Variants in GATAD1 observed in about 807,000 individuals in gnomAD.
GATAD1 encodes the protein GATA zinc finger domain-containing protein 1.
Under a neutral mutation model 26.5 loss-of-function variants are expected in GATAD1, and 12 were observed. That is an observed-to-expected ratio of 0.45 (90% CI 0.29 to 0.73). The LOEUF (loss-of-function observed/expected upper bound fraction) is 0.73. GATAD1 is among the 30% of genes least tolerant of loss of function. The pLI is 0.10. For missense variants in GATAD1, 266 were observed against 342.1 expected (o/e 0.78, Z 1.75); for synonymous variants, 129 against 133.1 (o/e 0.97, Z 0.21).
At chr7:92,491,074 G>T in the GATAD1 span, among the ~76,000 whole-genome samples, 2 of 152,166 alleles carry the variant, frequency 1.3e-5, no homozygotes, top group African/African-American at 2.4e-5. Context: ...TTGGTTCCTT[G>T]CTCCCAGCCC....
At chr7:92,465,594 G>T in the GATAD1 span, among the ~76,000 whole-genome samples, 6 of 151,268 alleles carry the variant, frequency 4.0e-5, no homozygotes, top group South Asian at 1.0e-3. Context: ...CTCTAGCCTG[G>T]ATGACAAGAG....
At chr7:92,461,679 AAAGC>A (rs1272460148), downstream of GATAD1, among the ~76,000 whole-genome samples, 3 of 152,232 alleles carry the variant, frequency 2.0e-5, no homozygotes, top group Non-Finnish European at 4.4e-5. Context: ...ACTAAATTGA[AAAGC>A]AAAGAATAAA....
the GATAD1 span, chr7:92,493,758 A>G: frequency 1.3e-5 from 2 of 153,368 alleles, no homozygotes; most frequent in Non-Finnish European, 2.9e-5. Context: ...GAAAATCTAA[A>G]TAATTTAAAT....
At chr7:92,470,345 G>A in the GATAD1 span, 1 of 732,320 alleles carries the variant, frequency 1.4e-6, no homozygotes. Context: ...GAGGGTAAAA[G>A]AACAGTAAAG....
At chr7:92,460,776 C>CAAAAAAAAAAAAAAAAAAAAAAAAAAAA, downstream of GATAD1, among the ~76,000 whole-genome samples, 1 of 63,344 alleles carries the variant, frequency 1.6e-5, no homozygotes, top group Non-Finnish European at 3.4e-5. Flanking sequence ...GACCTTCTCT[C>CAAAAAAAAAAAAAAAAAAAAAAAAAAAA]AAAAAAAAAA....
At chr7:92,451,004 T>C (rs1009624404) in intron 3 of GATAD1, among the ~76,000 whole-genome samples, 1 of 152,180 alleles carries the variant, frequency 6.6e-6, no homozygotes, top group African/African-American at 2.4e-5. Context: ...TATTTTTTTT[T>C]AGTGTAGATT....
rs1473266909 is a variant in GATAD1 at position 92,459,760 on chromosome 7, T to C, written c.*3198T>C. 6.6e-6 allele frequency among the ~76,000 whole-genome samples: 1 copy of C among 152,258 alleles called. No individual in the cohort carries two copies. Among genetic ancestry groups the C allele is most frequent in the Non-Finnish European group, 1.5e-5 (1 of 68,034 alleles). ...TTTGGTCCTGGGATGACAGGGATGCTGTGTTTTATTTACTCATCTTTGTAA... is the reference window on the plus strand; with the variant it reads ...TTTGGTCCTGGGATGACAGGGATGCCGTGTTTTATTTACTCATCTTTGTAA... On this transcript the variant is annotated 3_prime_UTR_variant, in exon 5 of 5. Coordinates refer to ENST00000287957, the MANE Select transcript of GATAD1 (RefSeq NM_021167.5).
the GATAD1 span, among the ~76,000 whole-genome samples, chr7:92,480,646 A>C: frequency 2.6e-5 from 4 of 152,196 alleles, no homozygotes; most frequent in Non-Finnish European, 4.4e-5. Context: ...GTGTGAGAAG[A>C]GATTGATAGG....
intron 4 of GATAD1, among the ~76,000 whole-genome samples, chr7:92,455,620 T>C (rs1789638092): frequency 6.6e-6 from 1 of 152,236 alleles, no homozygotes; most frequent in African/African-American, 2.4e-5. Flanking sequence ...TTCAGACTTT[T>C]TATCTTTCTG....
At chr7:92,479,157 T>C in the GATAD1 span, among the ~76,000 whole-genome samples, 1 of 152,224 alleles carries the variant, frequency 6.6e-6, no homozygotes. Flanking sequence ...TTAAACTCTC[T>C]GCTCCTTAAA....
At chr7:92,493,593 C>T in the GATAD1 span, 807 of 155,350 alleles carry the variant, frequency 5.2e-3, 5 homozygotes, top group African/African-American at 0.018. Flanking sequence ...GAGTTGTGAT[C>T]GTACCAGTGT....
intron 1 of GATAD1, among the ~76,000 whole-genome samples, chr7:92,448,464 C>G (rs1205640240): frequency 6.6e-6 from 1 of 152,122 alleles, no homozygotes; most frequent in African/African-American, 2.4e-5. Flanking sequence ...TTGTCTTGGT[C>G]AAGACTGACT....
the GATAD1 span, chr7:92,494,214 A>C: frequency 3.8e-6 from 4 of 1,055,336 alleles, no homozygotes; most frequent in African/African-American, 6.2e-5. Context: ...GACAATTGCC[A>C]TTACCTGGCA....
chr7:92,462,119 C>A (rs1251831516), downstream of GATAD1, among the ~76,000 whole-genome samples: 1 of 151,916 alleles, frequency 6.6e-6, no homozygotes, highest in Admixed American at 6.6e-5. Context: ...AGAATCCATG[C>A]TAAGAGGATT....
At chr7:92,463,942 TG>T (rs1256579913), downstream of GATAD1, among the ~76,000 whole-genome samples, 1 of 152,186 alleles carries the variant, frequency 6.6e-6, no homozygotes, top group East Asian at 1.9e-4. Context: ...CACTCCAGCC[TG>T]GGGGACAGAG....
chr7:92,465,523 CAGG>C, the GATAD1 span, among the ~76,000 whole-genome samples: 1 of 151,778 alleles, frequency 6.6e-6, no homozygotes, highest in Non-Finnish European at 1.5e-5. Flanking sequence ...GAGGCTGAGG[CAGG>C]AGAATTACTT....
At position 92,459,954 on chromosome 7, in the gene GATAD1, T is replaced by G. The variant is rs901454763; in HGVS notation, c.*3392T>G. ...GAATAGTCAAGTAAAATTTAGATTGTTACATTCTGGGTTAGTATTAGATTG... is the reference window on the plus strand; with the variant it reads ...GAATAGTCAAGTAAAATTTAGATTGGTACATTCTGGGTTAGTATTAGATTG... On this transcript the variant is annotated 3_prime_UTR_variant, in exon 5 of 5. Coordinates refer to ENST00000287957, the MANE Select transcript of GATAD1 (RefSeq NM_021167.5). Among the ~76,000 whole-genome samples the G allele has an allele frequency of 1.3e-5, 2 of 152,254 alleles. No individual in the cohort carries two copies. The highest frequency in any genetic ancestry group is 2.4e-5 in the African/African-American group (1 of 41,472).
chr7:92,487,579 C>G, the GATAD1 span: 1 of 903,536 alleles, frequency 1.1e-6, no homozygotes, highest in South Asian at 1.5e-5. Context: ...TGTATAAATA[C>G]TACCATTACA....
the GATAD1 span, chr7:92,490,142 G>A: frequency 3.7e-6 from 2 of 543,642 alleles, no homozygotes; most frequent in Non-Finnish European, 6.5e-6. Flanking sequence ...CATAACACAG[G>A]GTAGGTTTTT....
Sources: allele counts gnomAD v4.1 joint callset (sites outside exome capture counted in the v4.1 genomes callset), GRCh38; gene constraint gnomAD v4.1.1; transcripts MANE v1.5; gene names NCBI Gene and HGNC (gene_info 2026-07-23, HGNC 2026-07-21).